The following TMEM255B variants were observed in gnomAD, a reference collection of about 807,000 sequenced individuals.
The protein encoded by TMEM255B is transmembrane protein 255B.
TMEM255B carries 35 observed loss-of-function variants against 34.5 expected under a neutral mutation model. That is an observed-to-expected ratio of 1.01 (90% CI 0.77 to 1.34). TMEM255B has a LOEUF of 1.34. Ranked by LOEUF, TMEM255B falls within the 40% of genes most tolerant of loss-of-function variation. The pLI, the probability that TMEM255B is intolerant of heterozygous loss-of-function variation, is 0.00. For synonymous variants in TMEM255B, 206 were observed against 201.2 expected, an observed-to-expected ratio of 1.02 and a Z score of -0.20; for missense variants, 432 against 433.2, an observed-to-expected ratio of 1.00 and a Z score of 0.02.
chr13:113,786,014 C>T (rs1017765492), intron 3 of TMEM255B, among the ~76,000 whole-genome samples: 3 of 152,190 alleles, frequency 2.0e-5, no homozygotes, highest in African/African-American at 4.8e-5. Context: ...CGAACATTCA[C>T]ACAACGTGGG....
chr13:113,769,032 A>C lies in TMEM255B; in HGVS notation c.190-66A>C. 1 of 1,573,902 alleles carries C rather than the reference A, an allele frequency of 6.4e-7. No individual in the cohort carries two copies. Among genetic ancestry groups the C allele is most frequent in the Non-Finnish European group, 8.7e-7 (1 of 1,144,190 alleles). ...TTTGAGGGCGGGATTATTTGCTTTA[A>C]ATGTCAGTGTTAAGCTTCTAGGCAC... On this transcript the variant is annotated intron_variant, in intron 2 of 8. Transcript: ENST00000375353. The surrounding 1 kb of genome is among the most constrained non-coding windows in gnomAD (Gnocchi z 4.2).
At chr13:113,759,651 C>G (rs544255708) in intron 1 of TMEM255B, among the ~76,000 whole-genome samples, 7 of 152,192 alleles carry the variant, frequency 4.6e-5, no homozygotes, top group Non-Finnish European at 7.3e-5. Flanking sequence ...CTCCCTGTTA[C>G]GTTTTATTAT....
intron 8 of TMEM255B, among the ~76,000 whole-genome samples, chr13:113,810,690 TCTTTC>T (rs1171695069): frequency 1.3e-5 from 2 of 152,162 alleles, no homozygotes; most frequent in East Asian, 3.9e-4. Context: ...GACCACAGCC[TCTTTC>T]CTTAACGCCT....
chr13:113,800,232 TG>T lies in TMEM255B; in HGVS notation c.424-588del, dbSNP rs202239485. On this transcript the variant is annotated intron_variant, in intron 5 of 8. Transcript: ENST00000375353. Reference sequence around the variant, plus strand: ...GCGGGAGGCATGCCATGTGTGTATGTGGGGGGGAGGCATCCTGTGTGTGTGT... The same window carrying T: ...GCGGGAGGCATGCCATGTGTGTATGTGGGGGGAGGCATCCTGTGTGTGTGT... Among the ~76,000 whole-genome samples, 203 of 27,370 alleles carry T rather than the reference TG, an allele frequency of 7.4e-3. 5 individuals are homozygous for T. Among genetic ancestry groups the T allele is most frequent in the African/African-American group, 0.033 (197 of 6,014 alleles). 18.0% of individuals were successfully genotyped at this position (27,370 alleles called of 152,430 possible).
chr13:113,775,199 C>T (rs1191177007), intron 3 of TMEM255B, among the ~76,000 whole-genome samples: 1 of 151,834 alleles, frequency 6.6e-6, no homozygotes, highest in Non-Finnish European at 1.5e-5. Flanking sequence ...CCACACACCA[C>T]ACATACTACA....
At chr13:113,793,041 G>C (rs1323191218) in intron 3 of TMEM255B, among the ~76,000 whole-genome samples, 1 of 152,244 alleles carries the variant, frequency 6.6e-6, no homozygotes, top group Non-Finnish European at 1.5e-5. Context: ...GGACCACTAG[G>C]GGCAAGTCCA....
In TMEM255B at chr13:113,815,976, G is replaced by A. The variant is rs111827724; in HGVS notation, c.*4073G>A. On this transcript the variant is annotated 3_prime_UTR_variant, in exon 9 of 9. Transcript: ENST00000375353. ...GAAGGCGTGTCCACAGACAGAAGCC[G>A]ACTGGGAAAGGAGGTGCAGTCACTG... 243 of 158,824 alleles carry A rather than the reference G, an allele frequency of 1.5e-3. 1 individual carries two copies. The highest frequency in any genetic ancestry group is 5.5e-3 in the African/African-American group (226 of 40,774). 9.8% of individuals were successfully genotyped at this position (158,824 alleles called of 1,614,324 possible). A position where few individuals can be genotyped will look rare whatever the true frequency, so the allele number is the denominator to read the frequency against.
chr13:113,776,019 C>T (rs1191420971), intron 3 of TMEM255B, among the ~76,000 whole-genome samples: 1 of 152,218 alleles, frequency 6.6e-6, no homozygotes, highest in Non-Finnish European at 1.5e-5. Flanking sequence ...CCGGGCCGCC[C>T]CTCCTGGACC....
intron 2 of TMEM255B, among the ~76,000 whole-genome samples, chr13:113,768,619 G>A (rs1275995006): frequency 6.6e-6 from 1 of 152,210 alleles, no homozygotes; most frequent in African/African-American, 2.4e-5. Context: ...CTCTCCCGAA[G>A]CAGCAACCAG....
chr13:113,804,815 T>A (rs2051136913), intron 7 of TMEM255B, 70 bp from the exon 8 acceptor site: 2 of 1,421,360 alleles, frequency 1.4e-6, no homozygotes, highest in African/African-American at 2.9e-5. Flanking sequence ...CTGGGCTTTC[T>A]AGGAAGGCTG....
intron 8 of TMEM255B, among the ~76,000 whole-genome samples, chr13:113,808,042 G>A (rs902787390): frequency 6.6e-6 from 1 of 152,176 alleles, no homozygotes; most frequent in African/African-American, 2.4e-5. Flanking sequence ...CTTAATATAC[G>A]CACGCTGATA....
At position 113,800,860 on chromosome 13, in the gene TMEM255B, C is replaced by T. The variant is rs771084796; in HGVS notation, c.457C>T (p.Leu153=). The T allele has an allele frequency of 4.4e-5, 71 of 1,610,574 alleles. No homozygotes were observed. Among genetic ancestry groups the T allele is most frequent in the Non-Finnish European group, 5.4e-5 (64 of 1,178,986 alleles). Residue 153 remains leucine, a synonymous_variant, in exon 6 of 9, where the codon CTG becomes TTG. Coordinates refer to ENST00000375353, the MANE Select transcript of TMEM255B (RefSeq NM_182614.4). ...TCACTCCCTGGACGGCAAGTGCCAG[C>T]TGAAGGTGAGAAGCAACACCTGTTA... ...TCHSLDGKCQ[L]KVRSNTCYCC... is the part of the protein sequence containing the mutation.
intron 2 of TMEM255B, among the ~76,000 whole-genome samples, chr13:113,766,634 G>A (rs2050396476): frequency 6.6e-6 from 1 of 152,232 alleles, no homozygotes; most frequent in South Asian, 2.1e-4. Flanking sequence ...TGTCCAAAAA[G>A]GCCGGACAGA....
In TMEM255B at chr13:113,814,153, C is replaced by A. The variant is rs529134514; in HGVS notation, c.*2250C>A. On this transcript the variant is annotated 3_prime_UTR_variant, in exon 9 of 9. Coordinates refer to ENST00000375353, the MANE Select transcript of TMEM255B (RefSeq NM_182614.4). ...GGCACCCTGGAGCTCGGGCTGTGCC[C>A]CCGAAGCTGCCTGGTGCAGGCACCA... 6.6e-6 allele frequency: 1 copy of A among 152,308 alleles called. No homozygotes were observed. Among genetic ancestry groups the A allele is most frequent in the East Asian group, 1.9e-4 (1 of 5,136 alleles). 9.4% of individuals were successfully genotyped at this position (152,308 alleles called of 1,614,324 possible).
intron 8 of TMEM255B, among the ~76,000 whole-genome samples, chr13:113,805,878 T>C (rs1438591862): frequency 6.6e-6 from 1 of 152,172 alleles, no homozygotes; most frequent in Admixed American, 6.5e-5. Context: ...CATGCCCGGC[T>C]GACTGGCAGG....
intron 8 of TMEM255B, among the ~76,000 whole-genome samples, chr13:113,810,912 T>C (rs1300651705): frequency 6.6e-6 from 1 of 152,234 alleles, no homozygotes; most frequent in East Asian, 1.9e-4. Flanking sequence ...TATGAAGAGT[T>C]GGGTGAGCCC....
intron 7 of TMEM255B, among the ~76,000 whole-genome samples, chr13:113,802,612 T>C (rs1426322605): frequency 7.4e-6 from 1 of 136,038 alleles, no homozygotes; most frequent in Non-Finnish European, 1.7e-5. Flanking sequence ...GCGAAAACAC[T>C]CCTGAGCGGC....
At chr13:113,763,712 C>CA (rs1221501777) in intron 1 of TMEM255B, among the ~76,000 whole-genome samples, 1 of 152,174 alleles carries the variant, frequency 6.6e-6, no homozygotes, top group African/African-American at 2.4e-5. Context: ...GAGTGTTCTA[C>CA]AAAAAATCAC....
At chr13:113,792,362 C>A (rs7491764) in intron 3 of TMEM255B, among the ~76,000 whole-genome samples, 62,190 of 152,172 alleles carry the variant, frequency 0.41, 14,093 homozygotes, top group East Asian at 0.72. Flanking sequence ...ACCTTCTGAC[C>A]GTAACATGGT....
Sources: gnomAD v4.1 joint callset for allele counts (sites outside exome capture counted in the v4.1 genomes callset) on GRCh38, gnomAD v4.1.1 for gene constraint, Gnocchi (gnomAD v3.1) non-coding constraint, MANE v1.5 for transcripts, NCBI Gene and HGNC (gene_info 2026-07-23, HGNC 2026-07-21) for gene names.